The following SV2C variants were observed in gnomAD, a reference collection of about 807,000 sequenced individuals.
SV2C encodes the protein solute carrier family 22 member B3.
Under a neutral mutation model 79.7 loss-of-function variants are expected in SV2C, and 49 were observed. That is an observed-to-expected ratio of 0.61 (90% CI 0.49 to 0.78). The LOEUF is 0.78. SV2C is among the 30% of genes least tolerant of loss of function. The pLI is 0.00. For synonymous variants in SV2C, 334 were observed against 333.2 expected (o/e 1.00, Z -0.03); for missense variants, 833 against 912.9 (o/e 0.91, Z 1.13).
At chr5:75,962,434 GGCAA>G in the SV2C span, among the ~76,000 whole-genome samples, 18 of 152,052 alleles carry the variant, frequency 1.2e-4, no homozygotes, top group Non-Finnish European at 2.2e-4. Context: ...AGTAAAATAA[GGCAA>G]TGTATTGACT....
chr5:76,171,686 AGCC>A (rs1231663822), intron 2 of SV2C, among the ~76,000 whole-genome samples: 10 of 132,818 alleles, frequency 7.5e-5, no homozygotes, highest in African/African-American at 2.7e-4. Context: ...CCGCCCGGCC[AGCC>A]GTGCCGTCCG....
chr5:75,986,285 T>C, the SV2C span, among the ~76,000 whole-genome samples: 1 of 151,652 alleles, frequency 6.6e-6, no homozygotes, highest in Non-Finnish European at 1.5e-5. Context: ...TGGAATTACT[T>C]AGTGCAATCC....
chr5:76,118,953 A>G (rs894616153), intron 1 of SV2C, among the ~76,000 whole-genome samples: 38 of 152,372 alleles, frequency 2.5e-4, no homozygotes, highest in African/African-American at 9.1e-4. Flanking sequence ...ACTGTACTCC[A>G]GCCTGGGCAA....
At chr5:76,045,762 T>C in the SV2C span, among the ~76,000 whole-genome samples, 3 of 152,186 alleles carry the variant, frequency 2.0e-5, no homozygotes, top group South Asian at 4.1e-4. Flanking sequence ...AGCGTGGTAA[T>C]TTGCTGTTTA....
At chr5:75,852,879 A>C in the SV2C span, among the ~76,000 whole-genome samples, 5 of 151,828 alleles carry the variant, frequency 3.3e-5, no homozygotes, top group African/African-American at 9.7e-5. Flanking sequence ...GCAGGTTTTC[A>C]GATGAAGAGC....
the SV2C span, among the ~76,000 whole-genome samples, chr5:75,983,949 A>G: frequency 6.6e-6 from 1 of 152,118 alleles, no homozygotes; most frequent in Admixed American, 6.6e-5. Context: ...ATGGAGGGAA[A>G]TAAGAGACAG....
At chr5:76,338,334 G>A (rs1396211508), downstream of SV2C, among the ~76,000 whole-genome samples, 1 of 152,358 alleles carries the variant, frequency 6.6e-6, no homozygotes, top group East Asian at 1.9e-4. Flanking sequence ...AGCACCTGAA[G>A]CAGCTCCACT....
chr5:76,097,800 ATCTT>A (rs1747613567), intron 1 of SV2C, among the ~76,000 whole-genome samples: 2 of 152,168 alleles, frequency 1.3e-5, no homozygotes, highest in Admixed American at 1.3e-4. Flanking sequence ...GAGCTCTTCT[ATCTT>A]AATATTGTGT....
intron 1 of SV2C, among the ~76,000 whole-genome samples, chr5:76,094,015 A>C (rs6862987): frequency 0.2 from 30,932 of 152,090 alleles, 3,477 homozygotes; most frequent in East Asian, 0.45. Context: ...TGGGAGGTTT[A>C]AACAGGATTG....
intron 4 of SV2C, among the ~76,000 whole-genome samples, chr5:76,266,885 G>C (rs1260344526): frequency 6.6e-6 from 1 of 152,088 alleles, no homozygotes; most frequent in Non-Finnish European, 1.5e-5. Context: ...CCAAGACACA[G>C]AGCTAGTAAT....
the SV2C span, among the ~76,000 whole-genome samples, chr5:75,914,138 C>T: frequency 9.9e-3 from 1,500 of 152,260 alleles, 20 homozygotes; most frequent in African/African-American, 0.035. Flanking sequence ...CTATGATTCC[C>T]AGTTTCATCT....
At chr5:75,868,934 A>G in the SV2C span, among the ~76,000 whole-genome samples, 1 of 152,226 alleles carries the variant, frequency 6.6e-6, no homozygotes, top group Non-Finnish European at 1.5e-5. Flanking sequence ...CATCATAAGC[A>G]TGAGTTTTTC....
the SV2C span, among the ~76,000 whole-genome samples, chr5:76,010,903 CATTTT>C: frequency 6.6e-6 from 1 of 152,098 alleles, no homozygotes; most frequent in Non-Finnish European, 1.5e-5. Flanking sequence ...TCATGAAACA[CATTTT>C]ACTGGTGGGC....
chr5:76,139,098 G>A (rs1428511924), intron 2 of SV2C, among the ~76,000 whole-genome samples: 1 of 151,178 alleles, frequency 6.6e-6, no homozygotes, highest in Non-Finnish European at 1.5e-5. Flanking sequence ...CAGCCTGGGC[G>A]ATGGAGCGAG....
intron 4 of SV2C, among the ~76,000 whole-genome samples, chr5:76,265,547 T>C (rs943265937): frequency 1.3e-5 from 2 of 152,156 alleles, no homozygotes; most frequent in Non-Finnish European, 2.9e-5. Flanking sequence ...TACAGCTAGC[T>C]TGGTGTCTGC....
Position 76,298,918 on chromosome 5 carries a change from G to A in SV2C, c.1627G>A (p.Asp543Asn), listed in dbSNP as rs31244. Residue 543 changes from aspartate to asparagine, a missense_variant, in exon 10 of 13, where the codon GAC (aspartate) becomes AAC (asparagine). Transcript: ENST00000502798. ...CTGCACATTTATTGACACTGTTTTT[G>A]ACAACACAGGTAGGTGTGCTACTTA... ...KNCTFIDTVF[D>N]NTDFEPYKFI... is the part of the protein sequence containing the mutation. The A allele has an allele frequency of 0.083, 134,488 of 1,613,424 alleles. 6,155 individuals carry two copies. The highest frequency in any genetic ancestry group is 0.16 in the Admixed American group (9,367 of 59,980).
At chr5:76,098,291 A>T (rs1747630477) in intron 1 of SV2C, among the ~76,000 whole-genome samples, 1 of 152,224 alleles carries the variant, frequency 6.6e-6, no homozygotes, top group African/African-American at 2.4e-5. Context: ...CTTACAAAAG[A>T]GGGGCTGAAG....
chr5:76,231,984 C>G (rs1745436758), intron 4 of SV2C, among the ~76,000 whole-genome samples: 1 of 143,892 alleles, frequency 6.9e-6, no homozygotes, highest in Admixed American at 6.6e-5. Context: ...AATGGTATTT[C>G]CAGTTCTAGA....
At chr5:76,148,840 A>G (rs530511718) in intron 2 of SV2C, among the ~76,000 whole-genome samples, 41 of 152,116 alleles carry the variant, frequency 2.7e-4, no homozygotes, top group African/African-American at 9.2e-4. Flanking sequence ...TTCCTGGGAG[A>G]AAGTGGGTGG....
Sources: allele counts gnomAD v4.1 joint callset (sites outside exome capture counted in the v4.1 genomes callset), GRCh38; gene constraint gnomAD v4.1.1; transcripts MANE v1.5; gene names NCBI Gene and HGNC (gene_info 2026-07-23, HGNC 2026-07-21).